CYP2R1: variants seen among roughly 807,000 people sequenced by gnomAD.
CYP2R1 encodes vitamin D 25-hydroxylase.
Under a neutral mutation model 45.7 loss-of-function variants are expected in CYP2R1, and 40 were observed. The observed-to-expected ratio is 0.87, with a 90% confidence interval of 0.68 to 1.14. The LOEUF is 1.14. Among genes scored for constraint, CYP2R1 ranks in the 50% most tolerant of loss-of-function variants. CYP2R1 has a pLI of 0.00. For synonymous variants in CYP2R1, 234 were observed against 219.3 expected, an observed-to-expected ratio of 1.07 and a Z score of -0.59; for missense variants, 605 against 602.6, an observed-to-expected ratio of 1.00 and a Z score of -0.04.
intron 2 of CYP2R1, among the ~76,000 whole-genome samples, chr11:14,881,173 A>C (rs1555012198): frequency 6.6e-6 from 1 of 152,164 alleles, no homozygotes; most frequent in Non-Finnish European, 1.5e-5. Flanking sequence ...TTCTAGGATT[A>C]GAAATTTTCT....
chr11:14,886,283 T>C lies in CYP2R1; in HGVS notation c.226-366A>G, dbSNP rs80011753. The C allele has an allele frequency of 7.7e-3, 1,514 of 195,704 alleles. 30 individuals carry two copies. Among genetic ancestry groups the C allele is most frequent in the African/African-American group, 0.032 (1,387 of 42,816 alleles). 12.1% of individuals were successfully genotyped at this position (195,704 alleles called of 1,614,324 possible). On this transcript the variant is annotated intron_variant, in intron 1 of 4. Transcript: ENST00000334636. The stretch of plus-strand genomic sequence containing the variant: ...TGCCATAGAAAATATATTTGATATA[T>C]ATGCTCTTTTATGATTCATTTTACC...
chr11:14,878,522 C>T (rs1848245176), intron 4 of CYP2R1, among the ~76,000 whole-genome samples: 1 of 152,104 alleles, frequency 6.6e-6, no homozygotes, highest in Admixed American at 6.6e-5. Flanking sequence ...TTTTGTAAGA[C>T]TTTAGTTCCA....
At chr11:14,883,784 A>C (rs1229934360) in intron 2 of CYP2R1, among the ~76,000 whole-genome samples, 1 of 152,198 alleles carries the variant, frequency 6.6e-6, no homozygotes, top group South Asian at 2.1e-4. Context: ...CAACCTACTC[A>C]TCTGACAAAG....
At chr11:14,891,483 A>C (rs966796201) in intron 1 of CYP2R1, 14 of 986,806 alleles carry the variant, frequency 1.4e-5, no homozygotes, top group South Asian at 4.6e-5. Flanking sequence ...CCATTCTCAC[A>C]GCAAACGCCT....
chr11:14,878,288 T>C lies in CYP2R1; in HGVS notation c.1340A>G (p.His447Arg), dbSNP rs782670089. Residue 447 changes from histidine (H) to arginine (R), a missense_variant, in exon 5 of 5, where the codon CAT becomes CGT. His to Arg is a conservative substitution (Grantham distance 29, BLOSUM62 0). Transcript: ENST00000334636. ...CCGAGCCAAGTGTTCTCCAAGACAATGTCTTCTTCCTAAACAGAAAAAGCA... is the reference window on the plus strand; with the variant it reads ...CCGAGCCAAGTGTTCTCCAAGACAACGTCTTCTTCCTAAACAGAAAAAGCA... ...ALVPFSLGRR[H>R]CLGEHLARME... 1.2e-6 allele frequency: 2 copies of C among 1,612,850 alleles called. No individual in the cohort carries two copies. The highest frequency in any genetic ancestry group is 1.7e-6 in the Non-Finnish European group (2 of 1,179,270).
intron 1 of CYP2R1, chr11:14,887,691 A>G (rs1339126886): frequency 1.0e-6 from 1 of 967,784 alleles, no homozygotes; most frequent in African/African-American, 1.8e-5. Context: ...CCTACTCATA[A>G]TTTTTCACTC....
rs782031481 is a variant in CYP2R1 at position 14,880,593 on chromosome 11, C to G, written c.543G>C (p.Gln181His). The G allele has an allele frequency of 2.0e-5, 32 of 1,612,944 alleles. No individual in the cohort carries two copies. The highest frequency in any genetic ancestry group is 2.7e-5 in the Non-Finnish European group (32 of 1,179,440). The change falls in exon 3 of 5, where the codon CAG becomes CAC. Residue 181 changes from glutamine (Q) to histidine (H), a missense_variant. Transcript: ENST00000334636. ...TGTTTGAAACAGCATTCGTTATTAA[C>G]TGTTTAAAGTCAAAAGGTCTACCTT... ...TYKGRPFDFK[Q>H]LITNAVSNIT...
chr11:14,883,757 A>T (rs565900508), intron 2 of CYP2R1, among the ~76,000 whole-genome samples: 1 of 152,072 alleles, frequency 6.6e-6, no homozygotes, highest in African/African-American at 2.4e-5. Flanking sequence ...AACCTACAAA[A>T]TGGGAGAAAA....
In CYP2R1 at chr11:14,879,137, T is replaced by C. The variant is rs782522020; in HGVS notation, c.1307A>G (p.Glu436Gly). The C allele has an allele frequency of 8.1e-6, 13 of 1,613,030 alleles. No homozygotes were observed. The highest frequency in any genetic ancestry group is 1.3e-5 in the African/African-American group (1 of 74,860). Residue 436 changes from glutamate to glycine, a missense_variant, in exon 4 of 5, where the codon GAA becomes GGA. By Grantham distance (98) the Glu-to-Gly change is moderately conservative. Coordinates refer to ENST00000334636, the MANE Select transcript of CYP2R1 (RefSeq NM_024514.5). ...LDSSGYFAKK[E>G]ALVPFSLGRR... Reference sequence around the variant, plus strand: ...ACCTAGGGAAAAAGGAACCAAAGCTTCCTTCTTGGCAAAATATCCACTGCT... The same window carrying C: ...ACCTAGGGAAAAAGGAACCAAAGCTCCCTTCTTGGCAAAATATCCACTGCT...
rs782329632 is a variant in CYP2R1, at chr11:14,892,058, C to T, written c.148G>A (p.Gly50Ser). The change falls in exon 1 of 5, where the codon GGC becomes AGC. Residue 50 changes from glycine (G) to serine (S), a missense_variant. Transcript: ENST00000334636. ...GAGGCTGCCAGGGAATAGATGTTGC[C>T]GATAAATGGCAGCCCCGGCGGCCCC... ...PPGPPGLPFI[G>S]NIYSLAASSE... 6.2e-7 allele frequency: 1 copy of T among 1,612,764 alleles called. No homozygotes were observed. Among genetic ancestry groups the T allele is most frequent in the African/African-American group, 1.3e-5 (1 of 75,026 alleles).
chr11:14,891,523 G>T (rs1260888759), intron 1 of CYP2R1: 1 of 995,060 alleles, frequency 1.0e-6, no homozygotes, highest in Non-Finnish European at 1.2e-6. Flanking sequence ...TGCAGACACC[G>T]AAGAACCTGC....
intron 2 of CYP2R1, among the ~76,000 whole-genome samples, chr11:14,884,430 G>A (rs1848524625): frequency 6.7e-6 from 1 of 149,844 alleles, no homozygotes; most frequent in Admixed American, 6.7e-5. Context: ...ACTATCGCAA[G>A]AACAAAAAAC....
chr11:14,886,028 G>T, intron 1 of CYP2R1, 111 bp from the exon 2 acceptor site: 1 of 1,014,710 alleles, frequency 9.9e-7, no homozygotes, highest in Non-Finnish European at 1.5e-6. Flanking sequence ...TTACGTCCCT[G>T]AAAATATAGG....
intron 1 of CYP2R1, chr11:14,890,398 A>C: frequency 1.1e-6 from 1 of 883,158 alleles, no homozygotes; most frequent in Non-Finnish European, 1.4e-6. Flanking sequence ...GGAGAATTGC[A>C]GGTTGGAAAA....
intron 3 of CYP2R1, among the ~76,000 whole-genome samples, chr11:14,879,904 T>G (rs1456021272): frequency 3.9e-5 from 6 of 152,134 alleles, no homozygotes; most frequent in African/African-American, 1.4e-4. Flanking sequence ...AGACACACAG[T>G]GTTTTTTCTC....
intron 1 of CYP2R1, chr11:14,886,951 G>A (rs1016631918): frequency 3.9e-5 from 6 of 152,238 alleles, no homozygotes; most frequent in South Asian, 4.1e-4. Context: ...TTTGGCACAC[G>A]GGTGGGCTCT....
chr11:14,890,537 CT>C (rs71044028), intron 1 of CYP2R1: 1,562 of 64,258 alleles, frequency 0.024, 1 homozygote, highest in Non-Finnish European at 0.034. Context: ...TAGACCAATT[CT>C]TTTTTTTTTT....
chr11:14,892,255 C>T (rs781869908), upstream of CYP2R1: 6 of 1,541,966 alleles, frequency 3.9e-6, no homozygotes, highest in Admixed American at 1.1e-4. Flanking sequence ...GACCCAGGCA[C>T]TCCCTCCAGC....
At chr11:14,888,712 A>G (rs1555015493) in intron 1 of CYP2R1, among the ~76,000 whole-genome samples, 1 of 152,166 alleles carries the variant, frequency 6.6e-6, no homozygotes, top group Non-Finnish European at 1.5e-5. Flanking sequence ...ACTCCTTAGG[A>G]GCAGTGATTT....
Sources: allele counts gnomAD v4.1 joint callset (sites outside exome capture counted in the v4.1 genomes callset), GRCh38; gene constraint gnomAD v4.1.1; transcripts MANE v1.5; gene names NCBI Gene and HGNC (gene_info 2026-07-23, HGNC 2026-07-21).